Variants in THSD4 observed in about 807,000 individuals in gnomAD.
The protein encoded by THSD4 is thrombospondin type 1 domain containing 4.
Under a neutral mutation model 119.0 loss-of-function variants are expected in THSD4, and 69 were observed. The ratio of observed to expected loss-of-function variants is 0.58; its 90% CI spans 0.48 to 0.71. THSD4 has a LOEUF of 0.71. Among genes scored for constraint, THSD4 ranks in the 30% least tolerant of loss-of-function variants. The pLI is 0.00. For synonymous variants in THSD4, 524 were observed against 540.4 expected (o/e 0.97, Z 0.42); for missense variants, 1,393 against 1,391.1 (o/e 1.00, Z -0.02).
At chr15:71,594,302 G>A (rs529039304) in intron 7 of THSD4, among the ~76,000 whole-genome samples, 10 of 151,672 alleles carry the variant, frequency 6.6e-5, no homozygotes, top group Middle Eastern at 3.4e-3. Flanking sequence ...TCCAACTCCC[G>A]GGTTCAAACT....
intron 6 of THSD4, among the ~76,000 whole-genome samples, chr15:71,276,557 C>A (rs1160701711): frequency 6.6e-6 from 1 of 152,200 alleles, no homozygotes; most frequent in Non-Finnish European, 1.5e-5. Flanking sequence ...ATGGCTACAT[C>A]TGTGCTGCCT....
intron 3 of THSD4, among the ~76,000 whole-genome samples, chr15:71,214,129 A>G (rs1441508839): frequency 5.3e-5 from 8 of 152,228 alleles, no homozygotes; most frequent in Admixed American, 5.2e-4. Flanking sequence ...GTATAGCTAG[A>G]GGATTGTATA....
At chr15:71,199,708 GT>G (rs2043768373) in intron 3 of THSD4, among the ~76,000 whole-genome samples, 2 of 97,366 alleles carry the variant, frequency 2.1e-5, no homozygotes, top group African/African-American at 4.9e-5. Flanking sequence ...TGGTGTCTGG[GT>G]GTGTGGTGTG....
In THSD4 at chr15:71,777,465, C is replaced by T. The variant is rs932733623; in HGVS notation, c.*91C>T. The stretch of plus-strand genomic sequence containing the variant: ...GCTGGCTGCTGCTCCACCACGGGCC[C>T]CCTGGCCCAGGCGCTGCCAACCAAC... On this transcript the variant is annotated 3_prime_UTR_variant, in exon 18 of 18. Coordinates refer to ENST00000261862, the MANE Select transcript of THSD4 (RefSeq NM_024817.3). 2.0e-6 allele frequency: 3 copies of T among 1,504,572 alleles called. No individual in the cohort carries two copies. The highest frequency in any genetic ancestry group is 2.7e-6 in the Non-Finnish European group (3 of 1,126,564). 93.2% of individuals were successfully genotyped at this position (1,504,572 alleles called of 1,614,324 possible). A position where few individuals can be genotyped will look rare whatever the true frequency, so the allele number is the denominator to read the frequency against.
intron 7 of THSD4, among the ~76,000 whole-genome samples, chr15:71,572,757 C>T (rs892998398): frequency 7.9e-5 from 12 of 152,054 alleles, no homozygotes; most frequent in Admixed American, 2.6e-4. Context: ...AGAACACTCT[C>T]CAAGAGAAGC....
At chr15:71,347,867 G>T (rs1244028111) in intron 6 of THSD4, among the ~76,000 whole-genome samples, 2 of 152,088 alleles carry the variant, frequency 1.3e-5, no homozygotes, top group Non-Finnish European at 2.9e-5. Flanking sequence ...GTGTTCAGAT[G>T]ATCAGCCGGA....
In THSD4 at chr15:71,692,965, G is replaced by A. The variant is rs1595868532; in HGVS notation, c.1357+32231G>A. Among the ~76,000 whole-genome samples the A allele has an allele frequency of 4.9e-5, 3 of 61,540 alleles. No homozygotes were observed. The East Asian group carries it at 1.4e-3, about 28-fold the overall frequency. The allele number at this position is 61,540 out of a possible 152,430, so 40.4% of individuals were successfully genotyped here. A position where few individuals can be genotyped will look rare whatever the true frequency, so the allele number is the denominator to read the frequency against. ...GCAAAGAATAATAACTTAAGGAAGA[G>A]CAGTTTCCTAAACAGATGAGAGTGA... On this transcript the variant is annotated intron_variant, in intron 8 of 17. Transcript: ENST00000261862.
chr15:71,554,960 T>C (rs1291512139), intron 7 of THSD4, among the ~76,000 whole-genome samples: 2 of 152,182 alleles, frequency 1.3e-5, no homozygotes, highest in Non-Finnish European at 2.9e-5. Flanking sequence ...CCCAGTACTA[T>C]GCACCACTCC....
At chr15:71,735,531 CCTCTCTTTTGCT>C (rs1423732001) in intron 10 of THSD4, among the ~76,000 whole-genome samples, 1 of 144,132 alleles carries the variant, frequency 6.9e-6, no homozygotes. Context: ...TTACCATCTC[CCTCTCTTTTGCT>C]CTCTCTTTAT....
chr15:71,216,948 C>T (rs1013276528), intron 4 of THSD4, among the ~76,000 whole-genome samples: 1 of 152,144 alleles, frequency 6.6e-6, no homozygotes, highest in Non-Finnish European at 1.5e-5. Context: ...AGGCATGCAC[C>T]ACCATACCCA....
intron 6 of THSD4, among the ~76,000 whole-genome samples, chr15:71,359,796 G>A (rs528138803): frequency 2.6e-5 from 4 of 152,174 alleles, no homozygotes; most frequent in Admixed American, 6.5e-5. Flanking sequence ...AGATCATGCC[G>A]GTTCACTCAA....
At position 71,782,740 on chromosome 15, in the gene THSD4, C is replaced by T. The variant is rs1031377321; in HGVS notation, c.*5366C>T. ...ATCAAATATAAATTACTCTGCTTTT[C>T]GACTCATTCAGGTAGCATTGTACCT... is the stretch of plus-strand genomic sequence containing the variant. On this transcript the variant is annotated 3_prime_UTR_variant, in exon 18 of 18. Coordinates refer to ENST00000261862, the MANE Select transcript of THSD4 (RefSeq NM_024817.3). 3.3e-5 allele frequency: 5 copies of T among 152,152 alleles called. No individual in the cohort carries two copies. The highest frequency in any genetic ancestry group is 2.6e-4 in the Admixed American group (4 of 15,276). 9.4% of individuals were successfully genotyped at this position (152,152 alleles called of 1,614,324 possible).
At chr15:71,495,403 C>G (rs1380688835) in intron 7 of THSD4, among the ~76,000 whole-genome samples, 1 of 152,172 alleles carries the variant, frequency 6.6e-6, no homozygotes, top group African/African-American at 2.4e-5. Flanking sequence ...CTTTGAGCAT[C>G]TTATTGTGAT....
At chr15:71,743,063 TA>T (rs1567131072) in intron 11 of THSD4, among the ~76,000 whole-genome samples, 1 of 149,352 alleles carries the variant, frequency 6.7e-6, no homozygotes, top group Non-Finnish European at 1.5e-5. Context: ...TCAAAAAAAA[TA>T]AAAAAAGATT....
chr15:71,257,587 A>G (rs2140289856), intron 6 of THSD4, among the ~76,000 whole-genome samples: 1 of 152,244 alleles, frequency 6.6e-6, no homozygotes, highest in Admixed American at 6.5e-5. Context: ...GATCTGGAGA[A>G]ATTGCCTTGG....
intron 6 of THSD4, among the ~76,000 whole-genome samples, chr15:71,344,629 C>T (rs1003637239): frequency 2.6e-5 from 4 of 152,102 alleles, no homozygotes; most frequent in Admixed American, 6.5e-5. Flanking sequence ...TTGTTTCATG[C>T]CAAACATGCT....
At chr15:71,397,374 A>G (rs2046467812) in intron 6 of THSD4, among the ~76,000 whole-genome samples, 3 of 152,194 alleles carry the variant, frequency 2.0e-5, no homozygotes, top group Admixed American at 2.0e-4. Context: ...TCTTTTTAAA[A>G]TTATTTATTT....
At chr15:71,495,286 C>G (rs367896943) in intron 7 of THSD4, among the ~76,000 whole-genome samples, 3 of 152,216 alleles carry the variant, frequency 2.0e-5, no homozygotes, top group South Asian at 4.2e-4. Flanking sequence ...CAACCCTGCC[C>G]TCAAATGTAA....
At chr15:71,718,422 C>T (rs1018973065) in intron 8 of THSD4, among the ~76,000 whole-genome samples, 6 of 152,180 alleles carry the variant, frequency 3.9e-5, no homozygotes, top group Admixed American at 3.3e-4. Context: ...AGTTGCAGGG[C>T]TGGTTCTGTC....
Sources: gnomAD v4.1 joint callset for allele counts (sites outside exome capture counted in the v4.1 genomes callset) on GRCh38, gnomAD v4.1.1 for gene constraint, MANE v1.5 for transcripts, NCBI Gene and HGNC (gene_info 2026-07-23, HGNC 2026-07-21) for gene names.